Variants in MPPED2 observed in about 807,000 individuals in gnomAD.
The protein encoded by MPPED2 is metallophosphoesterase domain containing 2, also known as metallophosphoesterase MPPED2.
Under a neutral mutation model 33.0 loss-of-function variants are expected in MPPED2, and 5 were observed. That is an observed-to-expected ratio of 0.15 (90% CI 0.08 to 0.32). The LOEUF (loss-of-function observed/expected upper bound fraction) is 0.32, where lower values mean the gene tolerates loss of function less well. Among genes scored for constraint, MPPED2 ranks in the 10% least tolerant of loss-of-function variants. MPPED2 has a pLI of 1.00. For synonymous variants in MPPED2, 136 were observed against 141.9 expected (o/e 0.96, Z 0.29); for missense variants, 275 against 372.1 (o/e 0.74, Z 2.15).
chr11:30,557,124 G>C lies in MPPED2; in HGVS notation c.129-20949C>G, dbSNP rs73459732. Among the ~76,000 whole-genome samples, 607 of 151,224 alleles carry C rather than the reference G, an allele frequency of 4.0e-3. 5 individuals are homozygous for C. Among genetic ancestry groups the C allele is most frequent in the African/African-American group, 0.014 (583 of 40,590 alleles). ...ATTATCATTTCAATTTTGTTAAACA[G>C]TGCTAGATTCAGTTTGTTTGTGTGC... On this transcript the variant is annotated intron_variant, in intron 2 of 6. Transcript: ENST00000358117.
chr11:30,579,191 G>A (rs1416485578), intron 2 of MPPED2, among the ~76,000 whole-genome samples: 1 of 151,036 alleles, frequency 6.6e-6, no homozygotes, highest in Admixed American at 6.6e-5. Flanking sequence ...TTCCAGGGTG[G>A]GGGGGTGTGT....
downstream of MPPED2, among the ~76,000 whole-genome samples, chr11:30,408,518 G>T (rs1031541875): frequency 1.3e-5 from 2 of 152,088 alleles, no homozygotes; most frequent in African/African-American, 4.8e-5. Flanking sequence ...CACCATGTTG[G>T]TCAGGATGGT....
chr11:30,472,822 G>A (rs1377561321), intron 4 of MPPED2, among the ~76,000 whole-genome samples: 3 of 152,190 alleles, frequency 2.0e-5, no homozygotes, highest in Non-Finnish European at 4.4e-5. Flanking sequence ...TCTGGAGATA[G>A]TGGTGACAAT....
intron 2 of MPPED2, among the ~76,000 whole-genome samples, chr11:30,538,010 G>A (rs1038130100): frequency 7.2e-5 from 11 of 152,086 alleles, no homozygotes; most frequent in African/African-American, 2.4e-4. Context: ...GAGAATGAAT[G>A]ACTGTTCCCT....
chr11:30,541,781 A>G (rs1271791438), intron 2 of MPPED2, among the ~76,000 whole-genome samples: 1 of 152,080 alleles, frequency 6.6e-6, no homozygotes, highest in Admixed American at 6.6e-5. Context: ...TTATAGAGAC[A>G]AGGTTTCACC....
At chr11:30,487,693 C>T (rs1233358020) in intron 4 of MPPED2, among the ~76,000 whole-genome samples, 1 of 152,090 alleles carries the variant, frequency 6.6e-6, no homozygotes, top group African/African-American at 2.4e-5. Flanking sequence ...CCTGTCTGGT[C>T]TCAAACTCCT....
intron 3 of MPPED2, among the ~76,000 whole-genome samples, chr11:30,499,582 C>A (rs984074947): frequency 1.3e-5 from 2 of 152,158 alleles, no homozygotes; most frequent in Admixed American, 1.3e-4. Flanking sequence ...TTTTGGGCCT[C>A]TCTCTATACA....
chr11:30,420,714 G>A (rs1948572683), intron 4 of MPPED2, among the ~76,000 whole-genome samples: 1 of 152,102 alleles, frequency 6.6e-6, no homozygotes, highest in African/African-American at 2.4e-5. Context: ...TGGCATTGGA[G>A]GCCTGGGGAT....
chr11:30,536,505 C>A (rs896840331), intron 2 of MPPED2, among the ~76,000 whole-genome samples: 1 of 152,120 alleles, frequency 6.6e-6, no homozygotes, highest in Admixed American at 6.5e-5. Flanking sequence ...ACTGGGGAAG[C>A]AAAATTATGC....
chr11:30,543,616 A>G (rs1215014568), intron 2 of MPPED2, among the ~76,000 whole-genome samples: 1 of 152,194 alleles, frequency 6.6e-6, no homozygotes, highest in Non-Finnish European at 1.5e-5. Context: ...ACATATAATC[A>G]GAATTAGCAA....
chr11:30,414,548 T>A (rs1186230657), intron 5 of MPPED2, among the ~76,000 whole-genome samples: 24 of 151,890 alleles, frequency 1.6e-4, no homozygotes, highest in Non-Finnish European at 2.2e-4. Flanking sequence ...TGGTTTCCAT[T>A]TTTTTTTCTT....
intron 4 of MPPED2, among the ~76,000 whole-genome samples, chr11:30,472,175 G>A (rs1254178527): frequency 6.6e-6 from 1 of 152,098 alleles, no homozygotes; most frequent in Non-Finnish European, 1.5e-5. Flanking sequence ...ACCAGCCTGG[G>A]CAACATAAGA....
At chr11:30,458,674 T>C (rs1389705434) in intron 4 of MPPED2, among the ~76,000 whole-genome samples, 1 of 152,164 alleles carries the variant, frequency 6.6e-6, no homozygotes, top group Non-Finnish European at 1.5e-5. Context: ...CACACTTTAG[T>C]AGGCATAAAA....
At chr11:30,446,412 G>C (rs1363686063) in intron 4 of MPPED2, among the ~76,000 whole-genome samples, 1 of 152,080 alleles carries the variant, frequency 6.6e-6, no homozygotes, top group Non-Finnish European at 1.5e-5. Flanking sequence ...TAATAGAATG[G>C]CATGTTTCTA....
chr11:30,436,827 T>C (rs532500388), intron 4 of MPPED2, among the ~76,000 whole-genome samples: 1 of 152,232 alleles, frequency 6.6e-6, no homozygotes, highest in African/African-American at 2.4e-5. Flanking sequence ...AGATTTCATA[T>C]TCAATAAAGC....
At chr11:30,469,948 G>C (rs1375061063) in intron 4 of MPPED2, among the ~76,000 whole-genome samples, 1 of 152,172 alleles carries the variant, frequency 6.6e-6, no homozygotes, top group Non-Finnish European at 1.5e-5. Flanking sequence ...ACTCCATGGA[G>C]AGTAGCTTCA....
At chr11:30,421,486 A>C (rs921834861) in intron 4 of MPPED2, among the ~76,000 whole-genome samples, 3 of 152,180 alleles carry the variant, frequency 2.0e-5, no homozygotes, top group Non-Finnish European at 2.9e-5. Context: ...AAAAAAAAAA[A>C]AACATTTATC....
At chr11:30,557,029 C>T (rs1050840496) in intron 2 of MPPED2, among the ~76,000 whole-genome samples, 8 of 151,916 alleles carry the variant, frequency 5.3e-5, no homozygotes, top group Admixed American at 3.3e-4. Context: ...TAGGCTATCA[C>T]AAATTTTGCA....
intron 2 of MPPED2, among the ~76,000 whole-genome samples, chr11:30,537,567 G>T (rs1460142502): frequency 6.6e-6 from 1 of 152,108 alleles, no homozygotes; most frequent in Admixed American, 6.6e-5. Context: ...AGAGATCAGT[G>T]TGCAACCTGG....
Sources: gnomAD v4.1 joint callset for allele counts (sites outside exome capture counted in the v4.1 genomes callset) on GRCh38, gnomAD v4.1.1 for gene constraint, MANE v1.5 for transcripts, NCBI Gene and HGNC (gene_info 2026-07-23, HGNC 2026-07-21) for gene names.